The following ZNF100 variants were observed in gnomAD, a reference collection of about 807,000 sequenced individuals.
ZNF100 encodes the protein zinc finger protein 100 (Y1).
ZNF100 carries 12 observed loss-of-function variants against 15.8 expected under a neutral mutation model. That is an observed-to-expected ratio of 0.76 (90% confidence interval 0.49 to 1.23). ZNF100 has a LOEUF of 1.23. Ranked by LOEUF, ZNF100 falls within the 50% of genes most tolerant of loss-of-function variation. The probability of loss-of-function intolerance (pLI) is 0.00; values close to 1 mark genes in which losing one functional copy is unlikely to be tolerated. For synonymous variants in ZNF100, 226 were observed against 214.8 expected (o/e 1.05, Z -0.45); for missense variants, 670 against 635.6 (o/e 1.05, Z -0.58).
In ZNF100 at chr19:21,724,717, T is replaced by C. The variant is rs2035744414; in HGVS notation, c.*1966A>G. The C allele has an allele frequency of 6.6e-6, 1 of 152,166 alleles. No homozygotes were observed. The highest frequency in any genetic ancestry group is 2.4e-5 in the African/African-American group (1 of 41,450). 9.4% of individuals were successfully genotyped at this position (152,166 alleles called of 1,614,324 possible). On this transcript the variant is annotated 3_prime_UTR_variant, in exon 5 of 5. Coordinates refer to ENST00000358296, the MANE Select transcript of ZNF100 (RefSeq NM_173531.4). ...CATATATTGCATGAATATATACTCATATTATGTACCCCAAATAATTAAGAA... is the reference window on the plus strand; with the variant it reads ...CATATATTGCATGAATATATACTCACATTATGTACCCCAAATAATTAAGAA...
At chr19:21,766,999 C>CAAAT (rs1415229033) in intron 1 of ZNF100, among the ~76,000 whole-genome samples, 1 of 151,676 alleles carries the variant, frequency 6.6e-6, no homozygotes. Flanking sequence ...CTCAAACAAA[C>CAAAT]AAAAAAATCG....
At chr19:21,750,965 G>GT in intron 2 of ZNF100, 1 of 974,496 alleles carries the variant, frequency 1.0e-6, no homozygotes, top group Non-Finnish European at 1.5e-6. Context: ...CGGGGATGCG[G>GT]TGGCGGTAGC....
intron 1 of ZNF100, among the ~76,000 whole-genome samples, chr19:21,766,479 T>C (rs1252351046): frequency 1.3e-5 from 2 of 151,858 alleles, no homozygotes; most frequent in African/African-American, 4.8e-5. Flanking sequence ...AGAGAAAATG[T>C]AGGCTTAAAC....
intron 4 of ZNF100, among the ~76,000 whole-genome samples, chr19:21,733,701 A>C (rs374907977): frequency 2.0e-5 from 3 of 152,272 alleles, no homozygotes; most frequent in African/African-American, 4.8e-5. Flanking sequence ...CTTCACCAAG[A>C]AGCAGCCAGA....
intron 2 of ZNF100, among the ~76,000 whole-genome samples, chr19:21,754,869 G>A (rs2036366881): frequency 6.6e-6 from 1 of 152,082 alleles, no homozygotes; most frequent in Non-Finnish European, 1.5e-5. Context: ...CTACAGAACA[G>A]GAGAAAATTT....
intron 2 of ZNF100, chr19:21,752,054 G>A (rs907615697): frequency 1.6e-5 from 4 of 254,568 alleles, no homozygotes; most frequent in Non-Finnish European, 2.9e-5. Context: ...AGAGACGCAC[G>A]GACAACAAGG....
intron 4 of ZNF100, among the ~76,000 whole-genome samples, chr19:21,731,927 T>C (rs1396066505): frequency 6.6e-6 from 1 of 152,156 alleles, no homozygotes; most frequent in Non-Finnish European, 1.5e-5. Flanking sequence ...ATTATCAATA[T>C]AATTAAGAGG....
intron 2 of ZNF100, among the ~76,000 whole-genome samples, chr19:21,759,155 T>A (rs1404742812): frequency 1.3e-5 from 2 of 152,210 alleles, no homozygotes; most frequent in African/African-American, 2.4e-5. Flanking sequence ...TCTGGGCTAC[T>A]GTTTAAAAAC....
intron 4 of ZNF100, among the ~76,000 whole-genome samples, chr19:21,740,677 A>G (rs1255603253): frequency 1.3e-5 from 2 of 152,202 alleles, no homozygotes; most frequent in Non-Finnish European, 2.9e-5. Context: ...CAAATTACAA[A>G]TTAATAATTT....
At position 21,767,533 on chromosome 19, in the gene ZNF100, A is replaced by G; in HGVS notation, c.-104T>C. 1 of 1,535,040 alleles carries G rather than the reference A, an allele frequency of 6.5e-7. No homozygotes were observed. Among genetic ancestry groups the G allele is most frequent in the Non-Finnish European group, 8.9e-7 (1 of 1,129,540 alleles). ...GCCCCTAGGAGCAGAAGACACAGAG[A>G]AGTGAGAGCAAAACCTGGAGCTCCG... On this transcript the variant is annotated 5_prime_UTR_variant, in exon 1 of 5. Coordinates refer to ENST00000358296, the MANE Select transcript of ZNF100 (RefSeq NM_173531.4).
In ZNF100 at chr19:21,727,322, T is replaced by C. The variant is rs1448390126; in HGVS notation, c.990A>G (p.Ser330=). 1.3e-5 allele frequency: 21 copies of C among 1,612,830 alleles called. No homozygotes were observed. The highest frequency in any genetic ancestry group is 1.7e-5 in the Non-Finnish European group (20 of 1,179,600). The change falls in exon 5 of 5, where the codon TCA becomes TCG. Residue 330 remains serine, a synonymous_variant. Transcript: ENST00000358296. ...TECGKAFNRS[S]HLTTHRIIHT... ...GAATTATCCTGTGTGTAGTAAGGTG[T>C]GAGGACCGGTTAAAAGCTTTGCCAC...
At chr19:21,763,418 C>T (rs529042308) in intron 2 of ZNF100, among the ~76,000 whole-genome samples, 3 of 152,080 alleles carry the variant, frequency 2.0e-5, no homozygotes, top group East Asian at 1.9e-4. Context: ...GGTGAAACCC[C>T]GTCTCTACTA....
chr19:21,728,468 G>A (rs12982621), intron 4 of ZNF100, among the ~76,000 whole-genome samples: 13,975 of 152,064 alleles, frequency 0.092, 861 homozygotes, highest in South Asian at 0.18. Context: ...TGAGACCAAA[G>A]GTAAATGTTT....
chr19:21,730,507 A>C (rs1004300214), intron 4 of ZNF100, among the ~76,000 whole-genome samples: 24 of 151,604 alleles, frequency 1.6e-4, no homozygotes, highest in African/African-American at 5.8e-4. Context: ...CAAATACATA[A>C]AGCAAATATT....
At chr19:21,745,696 G>T (rs1166134286) in intron 2 of ZNF100, among the ~76,000 whole-genome samples, 1 of 151,824 alleles carries the variant, frequency 6.6e-6, no homozygotes, top group African/African-American at 2.4e-5. Flanking sequence ...CTAATTTTTT[G>T]TATTTTTAGT....
intron 2 of ZNF100, among the ~76,000 whole-genome samples, chr19:21,754,236 C>CAAAAAA (rs79087603): frequency 6.8e-6 from 1 of 146,070 alleles, no homozygotes; most frequent in African/African-American, 2.5e-5. Flanking sequence ...TCTACCACCT[C>CAAAAAA]AAAAAAAAAA....
At chr19:21,763,528 T>C (rs1160892591) in intron 2 of ZNF100, among the ~76,000 whole-genome samples, 1 of 152,136 alleles carries the variant, frequency 6.6e-6, no homozygotes, top group Non-Finnish European at 1.5e-5. Flanking sequence ...AGGCAGAGGT[T>C]GCAGTGAGCC....
intron 4 of ZNF100, among the ~76,000 whole-genome samples, chr19:21,730,669 G>C (rs1431557517): frequency 6.6e-6 from 1 of 152,136 alleles, no homozygotes; most frequent in Admixed American, 6.5e-5. Context: ...CAGAGGTATA[G>C]AGAAGATTCC....
chr19:21,749,040 T>C (rs1292158932), intron 2 of ZNF100, among the ~76,000 whole-genome samples: 4 of 152,164 alleles, frequency 2.6e-5, no homozygotes, highest in African/African-American at 9.7e-5. Context: ...TTTGCACACA[T>C]CTATTCACCG....
Sources: gnomAD v4.1 joint callset for allele counts (sites outside exome capture counted in the v4.1 genomes callset) on GRCh38, gnomAD v4.1.1 for gene constraint, MANE v1.5 for transcripts, NCBI Gene and HGNC (gene_info 2026-07-23, HGNC 2026-07-21) for gene names.